Variants in PRICKLE1 observed in about 807,000 individuals in gnomAD.
The protein encoded by PRICKLE1 is prickle-like protein 1.
A neutral mutation model predicts 70.2 loss-of-function variants in PRICKLE1; 14 were observed. That is an observed-to-expected ratio of 0.20 (90% CI 0.13 to 0.31). PRICKLE1 has a LOEUF of 0.31. Ranked by LOEUF, PRICKLE1 falls within the 10% of genes least tolerant of loss-of-function variation. The pLI is 1.00. For synonymous variants in PRICKLE1, 357 were observed against 379.9 expected (o/e 0.94, Z 0.70); for missense variants, 821 against 1,026.2 (o/e 0.80, Z 2.73).
chr12:42,571,177 A>G (rs1462246252), intron 1 of PRICKLE1, among the ~76,000 whole-genome samples: 1 of 152,116 alleles, frequency 6.6e-6, no homozygotes, highest in African/African-American at 2.4e-5. Context: ...AATTTACCCT[A>G]TTTGAACTGT....
intron 1 of PRICKLE1, among the ~76,000 whole-genome samples, chr12:42,581,263 G>T (rs1416372077): frequency 6.6e-6 from 1 of 152,018 alleles, no homozygotes; most frequent in African/African-American, 2.4e-5. Context: ...GCCCAGAGAG[G>T]CTGAGAAACT....
intron 5 of PRICKLE1, among the ~76,000 whole-genome samples, chr12:42,467,559 G>GGTGAA (rs1325699619): frequency 5.9e-5 from 9 of 152,070 alleles, no homozygotes; most frequent in African/African-American, 2.2e-4. Flanking sequence ...TGGCCAACAT[G>GGTGAA]GTGAAGCCCG....
rs368769164 is a variant in PRICKLE1 at position 42,569,038 on chromosome 12, C to T, written c.-49+20427G>A. Among the ~76,000 whole-genome samples, 4 of 152,178 alleles carry T rather than the reference C, an allele frequency of 2.6e-5. No homozygotes were observed. In the East Asian group the frequency reaches 7.7e-4, roughly 29 times the overall value. On this transcript the variant is annotated intron_variant, in intron 1 of 7. Transcript: ENST00000345127. ...ACCATACATACTAGTCTATAATCTG[C>T]CTTTTCCACTTAAATATGTCCTGAA... is the stretch of plus-strand genomic sequence containing the variant.
At chr12:42,569,026 G>T (rs2120742748) in intron 1 of PRICKLE1, among the ~76,000 whole-genome samples, 1 of 152,254 alleles carries the variant, frequency 6.6e-6, no homozygotes, top group Middle Eastern at 3.4e-3. Context: ...ATACATACTA[G>T]TCTATAATCT....
intron 1 of PRICKLE1, among the ~76,000 whole-genome samples, chr12:42,492,870 C>G (rs898532037): frequency 6.6e-6 from 1 of 152,124 alleles, no homozygotes; most frequent in Non-Finnish European, 1.5e-5. Flanking sequence ...TGCTGAGATA[C>G]TCTGGCCTGG....
At position 42,527,916 on chromosome 12, in the gene PRICKLE1, AATATAT is replaced by A. The variant is rs1163552624; in HGVS notation, c.-48-55358_-48-55353del. The stretch of plus-strand genomic sequence containing the variant: ...ACTGGAGTTTATATATACTCTTTAT[AATATAT>A]ATATATATATATATATATATATATA... On this transcript the variant is annotated intron_variant, in intron 1 of 7. Transcript: ENST00000345127. Among the ~76,000 whole-genome samples the A allele has an allele frequency of 7.3e-3, 146 of 19,940 alleles. 2 individuals carry two copies. The highest frequency in any genetic ancestry group is 8.7e-3 in the South Asian group (5 of 576). The allele number at this position is 19,940 out of a possible 152,430, so 13.1% of individuals were successfully genotyped here.
In PRICKLE1 at chr12:42,459,831, C is replaced by T; in HGVS notation, c.2474G>A (p.Gly825Asp). The change falls in exon 8 of 8, where the codon GGC becomes GAC. Residue 825 changes from glycine (G) to aspartate (D), a missense_variant. Physicochemically the swap from Gly to Asp is moderately conservative, Grantham distance 94. Coordinates refer to ENST00000345127, the MANE Select transcript of PRICKLE1 (RefSeq NM_153026.3). ...TKSKKKKGHK[G>D]KNCIIS The stretch of plus-strand genomic sequence containing the variant: ...TGGTTAAGAAATAATACAATTTTTG[C>T]CCTTGTGTCCCTTTTTCTTCTTGGA... 1 of 1,614,072 alleles carries T rather than the reference C, an allele frequency of 6.2e-7. No homozygotes were observed. Among genetic ancestry groups the T allele is most frequent in the Non-Finnish European group, 8.5e-7 (1 of 1,180,012 alleles).
chr12:42,577,168 A>T (rs1042355568), intron 1 of PRICKLE1, among the ~76,000 whole-genome samples: 2 of 152,242 alleles, frequency 1.3e-5, no homozygotes, highest in African/African-American at 4.8e-5. Context: ...TAATTTGAGT[A>T]CTACTTTAAA....
At chr12:42,563,941 G>A (rs1043811432) in intron 1 of PRICKLE1, among the ~76,000 whole-genome samples, 24 of 151,836 alleles carry the variant, frequency 1.6e-4, no homozygotes, top group African/African-American at 5.8e-4. Flanking sequence ...AAAAACTTAT[G>A]CCATCCTTCT....
At chr12:42,517,001 G>A (rs1939623057) in intron 1 of PRICKLE1, among the ~76,000 whole-genome samples, 1 of 152,140 alleles carries the variant, frequency 6.6e-6, no homozygotes, top group Non-Finnish European at 1.5e-5. Context: ...GTTTCATAGT[G>A]TAGAGAACCT....
intron 5 of PRICKLE1, among the ~76,000 whole-genome samples, chr12:42,467,607 G>A (rs536730356): frequency 1.3e-5 from 2 of 152,062 alleles, no homozygotes; most frequent in East Asian, 1.9e-4. Context: ...TTAGCTGGGC[G>A]TGGTGGTGGG....
rs182534469 is a variant in PRICKLE1, at chr12:42,543,553, C to T, written c.-49+45912G>A. Among the ~76,000 whole-genome samples the T allele has an allele frequency of 2.8e-3, 432 of 152,110 alleles. 1 individual carries two copies. The highest frequency in any genetic ancestry group is 9.3e-3 in the African/African-American group (386 of 41,512). ...GTTTTTTTCTTTTGAGATGGAGTCTCGCTCTGTCGCCCAGTCTGGAGTGCA... is the reference window on the plus strand; with the variant it reads ...GTTTTTTTCTTTTGAGATGGAGTCTTGCTCTGTCGCCCAGTCTGGAGTGCA... On this transcript the variant is annotated intron_variant, in intron 1 of 7. Coordinates refer to ENST00000345127, the MANE Select transcript of PRICKLE1 (RefSeq NM_153026.3).
chr12:42,556,418 A>G (rs1258075190), intron 1 of PRICKLE1, among the ~76,000 whole-genome samples: 1 of 152,202 alleles, frequency 6.6e-6, no homozygotes, highest in Non-Finnish European at 1.5e-5. Context: ...TATTTTATAC[A>G]ATTCATTTAA....
At chr12:42,536,600 G>A (rs1478704464) in intron 1 of PRICKLE1, among the ~76,000 whole-genome samples, 4 of 152,028 alleles carry the variant, frequency 2.6e-5, no homozygotes, top group Admixed American at 2.6e-4. Flanking sequence ...CTTTTTCTTT[G>A]GTTCCTGCTA....
Position 42,585,167 on chromosome 12 carries a change from C to A in PRICKLE1, c.-49+4298G>T, listed in dbSNP as rs528822801. Among the ~76,000 whole-genome samples, 3 of 152,248 alleles carry A rather than the reference C, an allele frequency of 2.0e-5. No homozygotes were observed. The South Asian group carries it at 6.2e-4, about 32-fold the overall frequency. On this transcript the variant is annotated intron_variant, in intron 1 of 7. Transcript: ENST00000345127. ...GTTGACTTTTAGGCTCACTTAGGAC[C>A]AAACTTAGGGGAGAAGAAAGTTAAG...
chr12:42,497,775 T>G (rs1939233859), intron 1 of PRICKLE1, among the ~76,000 whole-genome samples: 1 of 152,142 alleles, frequency 6.6e-6, no homozygotes, highest in African/African-American at 2.4e-5. Context: ...GTAGACTTGC[T>G]TGACACAGGA....
chr12:42,497,356 T>G (rs10880307), intron 1 of PRICKLE1, among the ~76,000 whole-genome samples: 41,314 of 151,702 alleles, frequency 0.27, 6,220 homozygotes, highest in Admixed American at 0.4. Flanking sequence ...TCATCCTGGC[T>G]AACACGGTGA....
At chr12:42,531,366 C>T (rs1232562383) in intron 1 of PRICKLE1, among the ~76,000 whole-genome samples, 2 of 152,052 alleles carry the variant, frequency 1.3e-5, no homozygotes, top group Admixed American at 6.6e-5. Flanking sequence ...TTTTATTGTA[C>T]AATAATAGTG....
At chr12:42,521,127 C>T (rs923243044) in intron 1 of PRICKLE1, among the ~76,000 whole-genome samples, 1 of 151,974 alleles carries the variant, frequency 6.6e-6, no homozygotes, top group Admixed American at 6.6e-5. Context: ...GCCAAGATTG[C>T]GCCACTGCAC....
Sources: gnomAD v4.1 joint callset for allele counts (sites outside exome capture counted in the v4.1 genomes callset) on GRCh38, gnomAD v4.1.1 for gene constraint, MANE v1.5 for transcripts, NCBI Gene and HGNC (gene_info 2026-07-23, HGNC 2026-07-21) for gene names.